The following TSC22D1 variants were observed in gnomAD, a reference collection of about 807,000 sequenced individuals.
TSC22D1 encodes TSC22 domain family protein 1.
Under a neutral mutation model 74.2 loss-of-function variants are expected in TSC22D1, and 9 were observed. That is an observed-to-expected ratio of 0.12 (90% confidence interval 0.07 to 0.21). The LOEUF (loss-of-function observed/expected upper bound fraction) is 0.21. TSC22D1 is among the 10% of genes least tolerant of loss of function. TSC22D1 has a pLI of 1.00. For synonymous variants in TSC22D1, 586 were observed against 492.5 expected (o/e 1.19, Z -2.51); for missense variants, 1,427 against 1,304.7 (o/e 1.09, Z -1.44).
intron 1 of TSC22D1, chr13:44,436,618 T>C (rs771160851): frequency 3.1e-6 from 5 of 1,607,356 alleles, no homozygotes; most frequent in Admixed American, 3.4e-5. Context: ...TCTACACCAT[T>C]GGGATTTCAT....
intron 1 of TSC22D1, among the ~76,000 whole-genome samples, chr13:44,470,765 C>G (rs1015510434): frequency 1.3e-5 from 2 of 152,178 alleles, no homozygotes; most frequent in Admixed American, 6.5e-5. Context: ...GAGGCTGGCA[C>G]TTCACATGAT....
intron 1 of TSC22D1, among the ~76,000 whole-genome samples, chr13:44,522,389 G>A (rs1395432781): frequency 1.3e-5 from 2 of 152,180 alleles, no homozygotes; most frequent in Admixed American, 6.5e-5. Context: ...TTTTATTTAT[G>A]CCTTTAAAAT....
chr13:44,562,761 CAT>C (rs550110581), intron 1 of TSC22D1, among the ~76,000 whole-genome samples: 232 of 152,284 alleles, frequency 1.5e-3, no homozygotes, highest in African/African-American at 5.4e-3. Context: ...CACTACCAAA[CAT>C]ATTTGGGACA....
intron 1 of TSC22D1, among the ~76,000 whole-genome samples, chr13:44,444,278 C>CAAAAAAAAAAAAAAAAAAAAAAAAAA (rs71070905): frequency 1.7e-4 from 3 of 17,580 alleles, no homozygotes; most frequent in African/African-American, 2.4e-4. Flanking sequence ...GACTCTGTCT[C>CAAAAAAAAAAAAAAAAAAAAAAAAAA]AAAAAAAAAA....
chr13:44,455,712 T>A (rs1381825760), intron 1 of TSC22D1, among the ~76,000 whole-genome samples: 1 of 152,174 alleles, frequency 6.6e-6, no homozygotes, highest in Non-Finnish European at 1.5e-5. Flanking sequence ...GCCATGAGAA[T>A]TAATCGCATA....
chr13:44,557,513 A>G (rs1294596245), intron 1 of TSC22D1, among the ~76,000 whole-genome samples: 1 of 152,234 alleles, frequency 6.6e-6, no homozygotes, highest in Non-Finnish European at 1.5e-5. Flanking sequence ...GCAAAAGGAC[A>G]AGCTAAATCC....
rs764611882 is a variant in TSC22D1, at chr13:44,573,902, T to C, written c.2173A>G (p.Thr725Ala). The C allele has an allele frequency of 1.2e-5, 19 of 1,614,174 alleles. 1 individual carries two copies. In the South Asian group the frequency reaches 1.3e-4, roughly 11 times the overall value. ...CCAATATTTGCAATCTGACTGCCAG[T>C]AGGTACAGCAGACACTGCTGCCGGA... ...QAPAAVSAVP[T>A]GSQIANIGQQ... The change falls in exon 1 of 3, where the codon ACT becomes GCT. Residue 725 changes from threonine (T) to alanine (A), a missense_variant. This residue lies in a region of TSC22D1 where 1,343 missense variants were observed against 1,191.5 expected (regional missense o/e 1.13). Coordinates refer to ENST00000458659, the MANE Select transcript of TSC22D1 (RefSeq NM_183422.4).
intron 1 of TSC22D1, among the ~76,000 whole-genome samples, chr13:44,561,193 ACCT>A (rs1224746742): frequency 9.2e-5 from 14 of 152,064 alleles, no homozygotes; most frequent in African/African-American, 3.4e-4. Flanking sequence ...CTGGGTCCTA[ACCT>A]CCTTACTTTT....
intron 1 of TSC22D1, among the ~76,000 whole-genome samples, chr13:44,482,779 G>A (rs1878236930): frequency 6.6e-6 from 1 of 152,110 alleles, no homozygotes; most frequent in Non-Finnish European, 1.5e-5. Context: ...TAGTTACTAA[G>A]ATAAAAATAT....
In TSC22D1 at chr13:44,434,633, G is replaced by A. The variant is rs781517442; in HGVS notation, c.3215C>T (p.Thr1072Ile). 1 of 1,536,864 alleles carries A rather than the reference G, an allele frequency of 6.5e-7. No homozygotes were observed. Among genetic ancestry groups the A allele is most frequent in the Admixed American group, 2.1e-5 (1 of 47,118 alleles). The change falls in exon 3 of 3, where the codon ACC (threonine) becomes ATC (isoleucine). Residue 1072 changes from threonine (T) to isoleucine (I), a missense_variant. Physicochemically the swap from Thr to Ile is moderately conservative, Grantham distance 89. Coordinates refer to ENST00000458659, the MANE Select transcript of TSC22D1 (RefSeq NM_183422.4). ...AQPASQGSGP[T>I]A The stretch of plus-strand genomic sequence containing the variant: ...CTGCGGGGGCATAGGCAGCTATGCG[G>A]TTGGTCCTGAGCCCTGCGATGCTGG...
At chr13:44,532,482 CT>C (rs57246876) in intron 1 of TSC22D1, among the ~76,000 whole-genome samples, 16,262 of 151,358 alleles carry the variant, frequency 0.11, 947 homozygotes, top group Non-Finnish European at 0.12. Flanking sequence ...TCTACAAAAT[CT>C]TTTTTTTTGA....
chr13:44,558,316 C>T (rs1167158617), intron 1 of TSC22D1, among the ~76,000 whole-genome samples: 2 of 152,128 alleles, frequency 1.3e-5, no homozygotes, highest in Admixed American at 1.3e-4. Flanking sequence ...AACATATCAA[C>T]CAATAATACA....
At chr13:44,449,339 T>G (rs1875940362) in intron 1 of TSC22D1, among the ~76,000 whole-genome samples, 1 of 152,212 alleles carries the variant, frequency 6.6e-6, no homozygotes, top group Admixed American at 6.5e-5. Flanking sequence ...TGAATGTGCC[T>G]AAAGAAGATT....
rs552390169 is a variant in TSC22D1 at position 44,522,820 on chromosome 13, G to A, written c.2912+50343C>T. Among the ~76,000 whole-genome samples the A allele has an allele frequency of 2.6e-5, 4 of 151,722 alleles. No homozygotes were observed. In the South Asian group the frequency reaches 8.3e-4, roughly 32 times the overall value. On this transcript the variant is annotated intron_variant, in intron 1 of 2. Coordinates refer to ENST00000458659, the MANE Select transcript of TSC22D1 (RefSeq NM_183422.4). ...TGACCCATAAAGAAAAAATTGATAAGGTAGACTTCATTAAAATTGAAAATT... is the reference window on the plus strand; with the variant it reads ...TGACCCATAAAGAAAAAATTGATAAAGTAGACTTCATTAAAATTGAAAATT...
rs576386771 is a variant in TSC22D1 at position 44,550,725 on chromosome 13, C to T, written c.2912+22438G>A. On this transcript the variant is annotated intron_variant, in intron 1 of 2. Coordinates refer to ENST00000458659, the MANE Select transcript of TSC22D1 (RefSeq NM_183422.4). ...AATAGAAGAAAAGTTTATTTCCCTA[C>T]TTCCTTCAAAACCAATCAGCCCAGC... Among the ~76,000 whole-genome samples the T allele has an allele frequency of 4.6e-5, 7 of 152,066 alleles. No homozygotes were observed. In the East Asian group the frequency reaches 1.2e-3, roughly 25 times the overall value.
rs1874301709 is a variant in TSC22D1, at chr13:44,434,098, ATTG to A, written c.*525_*527del. On this transcript the variant is annotated 3_prime_UTR_variant, in exon 3 of 3. Transcript: ENST00000458659. ...TTTGAGAAGAAAGAGGCACAGTACT[ATTG>A]TTTTTTATGAATTTTGGTGACAGTT... The A allele has an allele frequency of 6.6e-7, 1 of 1,504,516 alleles. No individual in the cohort carries two copies. The highest frequency in any genetic ancestry group is 8.8e-7 in the Non-Finnish European group (1 of 1,139,192). 93.2% of individuals were successfully genotyped at this position (1,504,516 alleles called of 1,614,324 possible). A position where few individuals can be genotyped will look rare whatever the true frequency, so the allele number is the denominator to read the frequency against.
Position 44,487,455 on chromosome 13 carries a change from T to A in TSC22D1, c.2913-51360A>T, listed in dbSNP as rs540007005. The stretch of plus-strand genomic sequence containing the variant: ...TGGAGGTTGCAGTGAGCCGCGATCG[T>A]GCCACTGCACTCCAGCCTGGGCAAC... On this transcript the variant is annotated intron_variant, in intron 1 of 2. Transcript: ENST00000458659. Among the ~76,000 whole-genome samples, 3 of 117,586 alleles carry A rather than the reference T, an allele frequency of 2.6e-5. No individual in the cohort carries two copies. The East Asian group carries it at 8.4e-4, about 33-fold the overall frequency. The allele number at this position is 117,586 out of a possible 152,430, so 77.1% of individuals were successfully genotyped here.
chr13:44,470,958 A>G (rs1192003226), intron 1 of TSC22D1, among the ~76,000 whole-genome samples: 2 of 152,212 alleles, frequency 1.3e-5, no homozygotes, highest in African/African-American at 4.8e-5. Flanking sequence ...GCTCACTGAC[A>G]ACAGATAAGT....
chr13:44,500,873 T>C lies in TSC22D1; in HGVS notation c.2913-64778A>G, dbSNP rs1252547971. On this transcript the variant is annotated intron_variant, in intron 1 of 2. Coordinates refer to ENST00000458659, the MANE Select transcript of TSC22D1 (RefSeq NM_183422.4). ...CTAATTTTTTTATTTTTTGTGAAGA[T>C]GAGTGTCTCACTTTATTGCCCAGGC... 2.6e-5 allele frequency among the ~76,000 whole-genome samples: 4 copies of C among 152,152 alleles called. No homozygotes were observed. The East Asian group carries it at 5.8e-4, about 22-fold the overall frequency.
Sources: allele counts gnomAD v4.1 joint callset (sites outside exome capture counted in the v4.1 genomes callset), GRCh38; gene constraint gnomAD v4.1.1; regional missense constraint gnomAD v4.1.1; transcripts MANE v1.5; gene names NCBI Gene and HGNC (gene_info 2026-07-23, HGNC 2026-07-21).